C2CD3: variants seen among roughly 807,000 people sequenced by gnomAD.
C2CD3 encodes C2 domain containing 3 centriole elongation regulator, also known as C2 domain-containing protein 3.
A neutral mutation model predicts 234.0 loss-of-function variants in C2CD3; 148 were observed. That is an observed-to-expected ratio of 0.63 (90% CI 0.55 to 0.72). The LOEUF (loss-of-function observed/expected upper bound fraction) is 0.72. Among genes scored for constraint, C2CD3 ranks in the 30% least tolerant of loss-of-function variants. C2CD3 has a pLI of 0.00. For synonymous variants in C2CD3, 1,000 were observed against 1,035.4 expected (o/e 0.97, Z 0.66); for missense variants, 2,577 against 2,811.5 (o/e 0.92, Z 1.89).
In C2CD3 at chr11:74,034,033, G is replaced by C; in HGVS notation, c.6127C>G (p.Pro2043Ala). 3 of 1,536,448 alleles carry C rather than the reference G, an allele frequency of 2.0e-6. No homozygotes were observed. The highest frequency in any genetic ancestry group is 2.6e-6 in the Non-Finnish European group (3 of 1,146,970). ...TCACTGCTCTGCATCCTTGTAATGG[G>C]TACTGCATGCCTCAGGGACTCATGG... ...MLHESLRHAV[P>A]ITRMQSSEDT... Residue 2043 changes from proline to alanine, a missense_variant, in exon 31 of 33, where the codon CCC becomes GCC. Coordinates refer to ENST00000334126, the MANE Select transcript of C2CD3 (RefSeq NM_001286577.2).
intron 7 of C2CD3, among the ~76,000 whole-genome samples, chr11:74,130,788 T>G (rs1347353029): frequency 1.3e-5 from 2 of 152,168 alleles, no homozygotes; most frequent in African/African-American, 4.8e-5. Context: ...AGTCCTACTT[T>G]CTTTTTTTTC....
intron 24 of C2CD3, chr11:74,070,837 C>T (rs1194935543): frequency 6.6e-6 from 1 of 152,176 alleles, no homozygotes; most frequent in African/African-American, 2.4e-5. Context: ...GTCCCATTCT[C>T]TCATACTACC....
At chr11:74,113,135 T>C (rs1308760923) in intron 11 of C2CD3, 3 of 152,294 alleles carry the variant, frequency 2.0e-5, no homozygotes, top group East Asian at 1.9e-4. Flanking sequence ...AATGAAGTAC[T>C]GATATATACT....
chr11:74,105,472 T>C (rs1016215049), intron 13 of C2CD3, among the ~76,000 whole-genome samples: 2 of 152,136 alleles, frequency 1.3e-5, no homozygotes, highest in Non-Finnish European at 2.9e-5. Flanking sequence ...GGTTTAGCCA[T>C]GTTGCCCAGG....
rs1956175196 is a variant in C2CD3 at position 74,098,051 on chromosome 11, T to C, written c.2937A>G (p.Pro979=). Residue 979 remains proline, a synonymous_variant, in exon 16 of 33, where the codon CCA becomes CCG. Coordinates refer to ENST00000334126, the MANE Select transcript of C2CD3 (RefSeq NM_001286577.2). ...CAGTTGGCTGGTCCAGGAAATGGGC[T>C]GGCCTAGGGCTGAAGGGAGGGAGTG... The part of the protein sequence containing the change: ...EGTLPPFSPR[P]AHFLDQPTAA... 3 of 1,614,106 alleles carry C rather than the reference T, an allele frequency of 1.9e-6. No individual in the cohort carries two copies. In the South Asian group the frequency reaches 3.3e-5, roughly 18 times the overall value.
At chr11:74,085,138 C>T (rs916891500) in intron 21 of C2CD3, among the ~76,000 whole-genome samples, 168 bp from the exon 22 acceptor site, 3 of 148,268 alleles carry the variant, frequency 2.0e-5, no homozygotes, top group Non-Finnish European at 3.0e-5. Context: ...GCCTGAATGC[C>T]TTCATTTTTT....
intron 7 of C2CD3, chr11:74,129,169 G>T: frequency 5.7e-6 from 1 of 176,964 alleles, no homozygotes; most frequent in Non-Finnish European, 1.2e-5. Context: ...CTGGCCGGGC[G>T]GGGAGCTGAC....
intron 32 of C2CD3, among the ~76,000 whole-genome samples, chr11:74,024,893 C>G (rs1565204183): frequency 6.6e-6 from 1 of 152,054 alleles, no homozygotes; most frequent in South Asian, 2.1e-4. Flanking sequence ...GGTTCCAGTG[C>G]TAAAACTGCA....
rs750173901 is a variant in C2CD3 at position 74,034,652 on chromosome 11, G to C, written c.5882-374C>G. On this transcript the variant is annotated intron_variant, in intron 30 of 32. Transcript: ENST00000334126. ...TGAGAATCCACTTATTTACCTATTT[G>C]ATGACAGTTATTAAAACTACCTATT... is the stretch of plus-strand genomic sequence containing the variant. 37 of 1,494,850 alleles carry C rather than the reference G, an allele frequency of 2.5e-5. No individual in the cohort carries two copies. In the Admixed American group the frequency reaches 6.2e-4, roughly 25 times the overall value. 92.6% of individuals were successfully genotyped at this position (1,494,850 alleles called of 1,614,324 possible). A position where few individuals can be genotyped will look rare whatever the true frequency, so the allele number is the denominator to read the frequency against.
At chr11:74,153,078 A>C (rs1026875857) in intron 3 of C2CD3, among the ~76,000 whole-genome samples, 2 of 152,190 alleles carry the variant, frequency 1.3e-5, no homozygotes, top group South Asian at 2.1e-4. Flanking sequence ...ATTTTAAAAA[A>C]CAGTTAGCGT....
At chr11:74,061,878 A>G (rs1205534398) in intron 24 of C2CD3, among the ~76,000 whole-genome samples, 1 of 152,180 alleles carries the variant, frequency 6.6e-6, no homozygotes, top group Non-Finnish European at 1.5e-5. Flanking sequence ...CAGGAGACCC[A>G]TCTCACGTGC....
At chr11:74,015,635 A>T (rs1246224041) in intron 32 of C2CD3, among the ~76,000 whole-genome samples, 1 of 152,204 alleles carries the variant, frequency 6.6e-6, no homozygotes, top group East Asian at 1.9e-4. Context: ...AGAGCATAGT[A>T]TTCTATCTCA....
chr11:74,018,340 A>C (rs962795269), intron 32 of C2CD3, among the ~76,000 whole-genome samples: 1 of 152,068 alleles, frequency 6.6e-6, no homozygotes, highest in Non-Finnish European at 1.5e-5. Context: ...GGGGTACAGG[A>C]TCTCCTGTAC....
At chr11:74,163,971 T>C (rs968875156) in intron 2 of C2CD3, among the ~76,000 whole-genome samples, 1 of 152,200 alleles carries the variant, frequency 6.6e-6, no homozygotes, top group Non-Finnish European at 1.5e-5. Context: ...CTGTCTTCAT[T>C]TGGGGATAAA....
intron 20 of C2CD3, among the ~76,000 whole-genome samples, chr11:74,088,616 C>T (rs1955758068): frequency 6.6e-6 from 1 of 152,240 alleles, no homozygotes; most frequent in East Asian, 1.9e-4. Flanking sequence ...GACTTGTTAT[C>T]TGCCCTCTCT....
In C2CD3 at chr11:74,033,721, G is replaced by A. The variant is rs1952610903; in HGVS notation, c.6439C>T (p.Pro2147Ser). The change falls in exon 31 of 33, where the codon CCT becomes TCT. Residue 2147 changes from proline to serine, a missense_variant. By Grantham distance (74) the Pro-to-Ser change is moderately conservative. Coordinates refer to ENST00000334126, the MANE Select transcript of C2CD3 (RefSeq NM_001286577.2). ...VNPHLPRQGS[P>S]SQSLVACECE... ...TCACAAGCAACAAGACTTTGGCTAG[G>A]AGAACCCTGCCTAGGCAGGTGGGGG... 2 of 1,536,446 alleles carry A rather than the reference G, an allele frequency of 1.3e-6. No homozygotes were observed. Among genetic ancestry groups the A allele is most frequent in the Non-Finnish European group, 1.7e-6 (2 of 1,146,960 alleles).
At chr11:74,097,516 A>C (rs1565289688) in intron 16 of C2CD3, among the ~76,000 whole-genome samples, 1 of 152,270 alleles carries the variant, frequency 6.6e-6, no homozygotes, top group Non-Finnish European at 1.5e-5. Flanking sequence ...CAGAATAACA[A>C]TAACCCACCT....
At chr11:74,078,854 TTA>T in intron 22 of C2CD3, 137 bp from the exon 23 acceptor site, 1 of 766,660 alleles carries the variant, frequency 1.3e-6, no homozygotes, top group East Asian at 2.7e-5. Flanking sequence ...GAGTTGGAGT[TTA>T]TGTTCATCTG....
At chr11:74,070,877 T>C (rs1954760027) in intron 24 of C2CD3, 1 of 152,200 alleles carries the variant, frequency 6.6e-6, no homozygotes, top group Non-Finnish European at 1.5e-5. Context: ...TTCTTCTCAT[T>C]AGAATGCCTT....
Sources: allele counts gnomAD v4.1 joint callset (sites outside exome capture counted in the v4.1 genomes callset), GRCh38; gene constraint gnomAD v4.1.1; transcripts MANE v1.5; gene names NCBI Gene and HGNC (gene_info 2026-07-23, HGNC 2026-07-21).